The following RYR2 variants were observed in gnomAD, a reference collection of about 807,000 sequenced individuals.
RYR2 encodes cardiac muscle ryanodine receptor-calcium release channel.
RYR2 carries 227 observed loss-of-function variants against 601.1 expected under a neutral mutation model. That is an observed-to-expected ratio of 0.38 (90% CI 0.34 to 0.42). RYR2 has a LOEUF of 0.42. RYR2 is among the 10% of genes least tolerant of loss of function. The probability of loss-of-function intolerance (pLI) is 1.00; values close to 1 mark genes in which losing one functional copy is unlikely to be tolerated. For missense variants in RYR2, 4,646 were observed against 6,156.5 expected (o/e 0.75, Z 8.21); for synonymous variants, 2,223 against 2,175.1 (o/e 1.02, Z -0.61).
chr1:237,575,385 T>C (rs1673126294), intron 29 of RYR2, among the ~76,000 whole-genome samples: 2 of 152,174 alleles, frequency 1.3e-5, no homozygotes, highest in African/African-American at 4.8e-5. Context: ...CATCATGTTT[T>C]GGGACCAAGG....
At chr1:237,520,760 G>T (rs888756613) in intron 24 of RYR2, among the ~76,000 whole-genome samples, 6 of 152,144 alleles carry the variant, frequency 3.9e-5, no homozygotes, top group African/African-American at 1.4e-4. Context: ...CAGTGGCCAG[G>T]TGCGGTGGCT....
intron 56 of RYR2, among the ~76,000 whole-genome samples, chr1:237,664,365 A>G (rs1302035599): frequency 6.6e-6 from 1 of 152,214 alleles, no homozygotes; most frequent in Non-Finnish European, 1.5e-5. Flanking sequence ...TCTGCTGTCA[A>G]GGAGCTTACA....
chr1:237,568,618 CT>C (rs1333141620), intron 28 of RYR2, among the ~76,000 whole-genome samples: 3 of 152,072 alleles, frequency 2.0e-5, no homozygotes, highest in Non-Finnish European at 2.9e-5. Flanking sequence ...AACTGAAATG[CT>C]TCTAGATTTC....
chr1:237,307,202 C>T (rs1179401643), intron 2 of RYR2, among the ~76,000 whole-genome samples: 1 of 152,188 alleles, frequency 6.6e-6, no homozygotes, highest in African/African-American at 2.4e-5. Flanking sequence ...AGGCATTGCA[C>T]ATACGTTTTT....
intron 35 of RYR2, among the ~76,000 whole-genome samples, chr1:237,606,219 G>C (rs1368535505): frequency 6.6e-6 from 1 of 152,074 alleles, no homozygotes; most frequent in Non-Finnish European, 1.5e-5. Context: ...CCAAAACAGA[G>C]ATACAGACCA....
At chr1:237,265,378 G>GTAGCACAA (rs1261325568) in intron 1 of RYR2, among the ~76,000 whole-genome samples, 1 of 152,066 alleles carries the variant, frequency 6.6e-6, no homozygotes, top group Non-Finnish European at 1.5e-5. Context: ...CTGGAGCACA[G>GTAGCACAA]TAGCACAATC....
rs114888997 is a variant in RYR2, at chr1:237,208,284, T to C, written c.49-62213T>C. ...TGCTGATTCTAGGATTTCTTGACAA[T>C]AGGGATGATTTTGAGTGTTCAAGAC... On this transcript the variant is annotated intron_variant, in intron 1 of 104. Transcript: ENST00000366574. Among the ~76,000 whole-genome samples, 906 of 152,304 alleles carry C rather than the reference T, an allele frequency of 5.9e-3. 13 individuals are homozygous for C. Among genetic ancestry groups the C allele is most frequent in the African/African-American group, 0.019 (787 of 41,562 alleles).
rs1000813734 is a variant in RYR2, at chr1:237,833,720, C to T, written c.*1073C>T. ...TGTGATCAGTTTTGTTGATTAAGGACTTCTTGTCAGGCCATTTTTTAATAT... is the reference window on the plus strand; with the variant it reads ...TGTGATCAGTTTTGTTGATTAAGGATTTCTTGTCAGGCCATTTTTTAATAT... On this transcript the variant is annotated 3_prime_UTR_variant, in exon 105 of 105. Transcript: ENST00000366574. The T allele has an allele frequency of 1.3e-5, 2 of 152,514 alleles. No individual in the cohort carries two copies. Among genetic ancestry groups the T allele is most frequent in the Admixed American group, 6.6e-5 (1 of 15,260 alleles). 9.4% of individuals were successfully genotyped at this position (152,514 alleles called of 1,614,324 possible).
chr1:237,492,247 G>A (rs1035819409), intron 18 of RYR2, among the ~76,000 whole-genome samples: 4 of 152,174 alleles, frequency 2.6e-5, no homozygotes, highest in Non-Finnish European at 5.9e-5. Context: ...GGTCAGGCTG[G>A]TCTTGAGCTC....
rs1348940247 is a variant in RYR2, at chr1:237,791,909, G to T, written c.13564-196G>T. ...TCAGAATTTTTGGTTGAATAAGAAT[G>T]AATTTTAAAAGTATGTTCATTACTT... On this transcript the variant is annotated intron_variant, in intron 93 of 104. Coordinates refer to ENST00000366574, the MANE Select transcript of RYR2 (RefSeq NM_001035.3). 6 of 593,602 alleles carry T rather than the reference G, an allele frequency of 1.0e-5. No homozygotes were observed. The African/African-American group carries it at 1.1e-4, about 11-fold the overall frequency. The allele number at this position is 593,602 out of a possible 1,614,324, so 36.8% of individuals were successfully genotyped here.
At chr1:237,152,481 G>A (rs1031463699) in intron 1 of RYR2, among the ~76,000 whole-genome samples, 42 of 152,172 alleles carry the variant, frequency 2.8e-4, no homozygotes, top group Non-Finnish European at 4.9e-4. Context: ...CAGTGTAAAA[G>A]TGCTCTTATT....
intron 16 of RYR2, among the ~76,000 whole-genome samples, chr1:237,461,078 C>T (rs1220590514): frequency 6.6e-6 from 1 of 152,166 alleles, no homozygotes; most frequent in East Asian, 1.9e-4. Context: ...GCCAATAGAG[C>T]ACATAGAATC....
At chr1:237,660,642 GCTCACA>G (rs1683694718) in intron 55 of RYR2, among the ~76,000 whole-genome samples, 162 bp from the exon 56 acceptor site, 1 of 152,098 alleles carries the variant, frequency 6.6e-6, no homozygotes, top group Non-Finnish European at 1.5e-5. Context: ...CTAGATCTCT[GCTCACA>G]CTCTGCTTTT....
chr1:237,387,716 G>A (rs1206412950), intron 9 of RYR2, among the ~76,000 whole-genome samples: 1 of 152,152 alleles, frequency 6.6e-6, no homozygotes, highest in Non-Finnish European at 1.5e-5. Context: ...TATTTTCTGA[G>A]GTCATGCCTT....
chr1:237,432,620 A>AG (rs1706943461), intron 12 of RYR2, among the ~76,000 whole-genome samples: 1 of 152,170 alleles, frequency 6.6e-6, no homozygotes, highest in Non-Finnish European at 1.5e-5. Context: ...CTTTCCAATT[A>AG]GGGCTGTCTC....
intron 63 of RYR2, among the ~76,000 whole-genome samples, chr1:237,690,126 C>T (rs139702007): frequency 7.9e-4 from 121 of 152,238 alleles, no homozygotes; most frequent in African/African-American, 2.8e-3. Context: ...TGTGAGCCAC[C>T]GTGCCTGGCC....
intron 17 of RYR2, among the ~76,000 whole-genome samples, chr1:237,479,534 A>G (rs928959642): frequency 6.6e-6 from 1 of 152,184 alleles, no homozygotes; most frequent in African/African-American, 2.4e-5. Context: ...ATAGCTCTCA[A>G]TAAATATTTG....
At chr1:237,569,342 T>G in intron 29 of RYR2, 23 bp downstream of exon 29, 1 of 1,605,406 alleles carries the variant, frequency 6.2e-7, no homozygotes, top group Admixed American at 1.7e-5. Flanking sequence ...TGTTTTGTGT[T>G]TTTTTTAAGT....
intron 71 of RYR2, among the ~76,000 whole-genome samples, chr1:237,715,197 G>A (rs1279314609): frequency 1.3e-5 from 2 of 152,068 alleles, no homozygotes; most frequent in Non-Finnish European, 2.9e-5. Context: ...TTATTGAGCT[G>A]CGCCTATGAG....
Sources: gnomAD v4.1 joint callset for allele counts (sites outside exome capture counted in the v4.1 genomes callset) on GRCh38, gnomAD v4.1.1 for gene constraint, MANE v1.5 for transcripts, NCBI Gene and HGNC (gene_info 2026-07-23, HGNC 2026-07-21) for gene names.